Variants in STX7 observed in about 807,000 individuals in gnomAD.
STX7 encodes syntaxin-7.
In STX7, 34 loss-of-function variants were observed where a neutral mutation model predicts 39.6. The ratio of observed to expected loss-of-function variants is 0.86; its 90% CI spans 0.65 to 1.14. The LOEUF is 1.14. STX7 is among the 50% of genes most tolerant of loss of function. The probability of loss-of-function intolerance (pLI) is 0.00; values close to 1 mark genes in which losing one functional copy is unlikely to be tolerated. For synonymous variants in STX7, 119 were observed against 99.1 expected, an observed-to-expected ratio of 1.20 and a Z score of -1.19; for missense variants, 284 against 310.4, an observed-to-expected ratio of 0.92 and a Z score of 0.64.
At chr6:132,496,975 A>C (rs1209655491) in intron 2 of STX7, among the ~76,000 whole-genome samples, 2 of 152,212 alleles carry the variant, frequency 1.3e-5, no homozygotes, top group African/African-American at 4.8e-5. Flanking sequence ...TGAGCAGCAC[A>C]AACTCTGATA....
At position 132,458,831 on chromosome 6, in the gene STX7, C is replaced by T. The variant is rs532123507; in HGVS notation, c.*1927G>A. 6.6e-6 allele frequency: 1 copy of T among 152,198 alleles called. No homozygotes were observed. The highest frequency in any genetic ancestry group is 1.9e-4 in the East Asian group (1 of 5,186). 9.4% of individuals were successfully genotyped at this position (152,198 alleles called of 1,614,324 possible). On this transcript the variant is annotated 3_prime_UTR_variant, in exon 10 of 10. Coordinates refer to ENST00000367941, the MANE Select transcript of STX7 (RefSeq NM_003569.3). ...CTGTTTAAACCACTGATAACTGCCCCAGTTAAAATAATAATAATTTAAAAT... is the reference window on the plus strand; with the variant it reads ...CTGTTTAAACCACTGATAACTGCCCTAGTTAAAATAATAATAATTTAAAAT...
In STX7 at chr6:132,493,302, A is replaced by C. The variant is rs141408618; in HGVS notation, c.85+10144T>G. Among the ~76,000 whole-genome samples the C allele has an allele frequency of 4.6e-3, 700 of 152,280 alleles. 2 individuals carry two copies. Among genetic ancestry groups the C allele is most frequent in the Non-Finnish European group, 7.2e-3 (492 of 68,012 alleles). On this transcript the variant is annotated intron_variant, in intron 2 of 9. Coordinates refer to ENST00000367941, the MANE Select transcript of STX7 (RefSeq NM_003569.3). ...AATTAACAATTGCTTTAAGAAAAAA[A>C]GTTTGGATTAAGTATAAAGGGCAAT...
At chr6:132,472,783 C>G (rs796369848) in intron 3 of STX7, among the ~76,000 whole-genome samples, 1 of 152,070 alleles carries the variant, frequency 6.6e-6, no homozygotes, top group South Asian at 2.1e-4. Flanking sequence ...TAGACTTTGC[C>G]CAGTTCCCAG....
chr6:132,494,632 C>A (rs1380970711), intron 2 of STX7, among the ~76,000 whole-genome samples: 1 of 152,084 alleles, frequency 6.6e-6, no homozygotes, highest in Admixed American at 6.6e-5. Flanking sequence ...TGACTGTTCA[C>A]TAAGCAGAAA....
At position 132,454,247 on chromosome 6, in the gene STX7, T is replaced by TGGAGAACAGATTATGGTTGCCAAG. The variant is rs1774199834; in HGVS notation, c.*6487_*6510dup. On this transcript the variant is annotated 3_prime_UTR_variant, in exon 10 of 10. Coordinates refer to ENST00000367941, the MANE Select transcript of STX7 (RefSeq NM_003569.3). ...ATGAAAAAAAAAAAAACTATAAAAATGGAGAACAGATTATGGTTGCCAAGG... is the reference window on the plus strand; with the variant it reads ...ATGAAAAAAAAAAAAACTATAAAAATGGAGAACAGATTATGGTTGCCAAGGGAGAACAGATTATGGTTGCCAAGG... 2 of 148,626 alleles carry TGGAGAACAGATTATGGTTGCCAAG rather than the reference T, an allele frequency of 1.3e-5. No individual in the cohort carries two copies. Among genetic ancestry groups the TGGAGAACAGATTATGGTTGCCAAG allele is most frequent in the Non-Finnish European group, 3.0e-5 (2 of 67,282 alleles). 9.2% of individuals were successfully genotyped at this position (148,626 alleles called of 1,614,324 possible). A position where few individuals can be genotyped will look rare whatever the true frequency, so the allele number is the denominator to read the frequency against.
At chr6:132,488,967 C>A (rs192244078) in intron 2 of STX7, among the ~76,000 whole-genome samples, 1 of 151,976 alleles carries the variant, frequency 6.6e-6, no homozygotes, top group Non-Finnish European at 1.5e-5. Flanking sequence ...TTTGGGAGGC[C>A]AAGGTAAGCA....
rs1292623816 is a variant in STX7 at position 132,446,396 on chromosome 6, T to C, written c.*14362A>G. ...TTGAAAGAAACCTTTTATACAATGT[T>C]TTCATTGTCTTGTTCTTTTTCTGGA... On this transcript the variant is annotated 3_prime_UTR_variant, in exon 10 of 10. Transcript: ENST00000367941. 1 of 152,212 alleles carries C rather than the reference T, an allele frequency of 6.6e-6. No individual in the cohort carries two copies. Among genetic ancestry groups the C allele is most frequent in the Non-Finnish European group, 1.5e-5 (1 of 68,020 alleles). The allele number at this position is 152,212 out of a possible 1,614,324, so 9.4% of individuals were successfully genotyped here. A position where few individuals can be genotyped will look rare whatever the true frequency, so the allele number is the denominator to read the frequency against.
chr6:132,478,276 C>T (rs982104405), intron 2 of STX7, among the ~76,000 whole-genome samples: 1 of 152,068 alleles, frequency 6.6e-6, no homozygotes, highest in African/African-American at 2.4e-5. Flanking sequence ...AAATGCATAT[C>T]AATTTTGCAA....
At chr6:132,496,618 A>G (rs747319210) in intron 2 of STX7, among the ~76,000 whole-genome samples, 1 of 152,182 alleles carries the variant, frequency 6.6e-6, no homozygotes, top group Non-Finnish European at 1.5e-5. Flanking sequence ...TGTACCTGTT[A>G]GAAGAGTTTC....
At chr6:132,482,709 G>A (rs1371685946) in intron 2 of STX7, among the ~76,000 whole-genome samples, 1 of 152,194 alleles carries the variant, frequency 6.6e-6, no homozygotes, top group Non-Finnish European at 1.5e-5. Flanking sequence ...GATGTTAGAT[G>A]TTTCCAGCAG....
rs1364851277 is a variant in STX7 at position 132,458,364 on chromosome 6, C to T, written c.*2394G>A. On this transcript the variant is annotated 3_prime_UTR_variant, in exon 10 of 10. Coordinates refer to ENST00000367941, the MANE Select transcript of STX7 (RefSeq NM_003569.3). ...AGCTACTCTAGTATCAATATGACAT[C>T]ACTCTTTTACCATCAATCATATTGC... The T allele has an allele frequency of 6.6e-6, 1 of 152,216 alleles. No individual in the cohort carries two copies. Among genetic ancestry groups the T allele is most frequent in the African/African-American group, 2.4e-5 (1 of 41,446 alleles). The allele number at this position is 152,216 out of a possible 1,614,324, so 9.4% of individuals were successfully genotyped here.
chr6:132,447,209 T>C lies in STX7; in HGVS notation c.*13549A>G, dbSNP rs1774031565. ...GAACTTACTGTGTAGTGGAAAGAGT[T>C]AGACTCACTAGACATTGATTAGCTG... is the stretch of plus-strand genomic sequence containing the variant. On this transcript the variant is annotated 3_prime_UTR_variant, in exon 10 of 10. Transcript: ENST00000367941. 1 of 152,190 alleles carries C rather than the reference T, an allele frequency of 6.6e-6. No homozygotes were observed. The highest frequency in any genetic ancestry group is 1.5e-5 in the Non-Finnish European group (1 of 68,034). The allele number at this position is 152,190 out of a possible 1,614,324, so 9.4% of individuals were successfully genotyped here.
chr6:132,475,968 T>C (rs1774864243), intron 2 of STX7, among the ~76,000 whole-genome samples: 1 of 152,152 alleles, frequency 6.6e-6, no homozygotes, highest in Non-Finnish European at 1.5e-5. Flanking sequence ...GCACACAGAC[T>C]TTAACACTAC....
intron 2 of STX7, among the ~76,000 whole-genome samples, chr6:132,489,200 T>TAAAAAAAAAA (rs745673648): frequency 7.2e-5 from 6 of 83,192 alleles, no homozygotes; most frequent in African/African-American, 3.5e-4. Context: ...GACTCTGTCT[T>TAAAAAAAAAA]AAAAAAAAAA....
intron 2 of STX7, among the ~76,000 whole-genome samples, chr6:132,484,266 G>A (rs1032476375): frequency 2.6e-5 from 4 of 152,114 alleles, no homozygotes; most frequent in Non-Finnish European, 1.5e-5. Flanking sequence ...GCACTACTGG[G>A]TCATCAAAAA....
Position 132,448,344 on chromosome 6 carries a change from T to C in STX7, c.*12414A>G, listed in dbSNP as rs1294888750. On this transcript the variant is annotated 3_prime_UTR_variant, in exon 10 of 10. Coordinates refer to ENST00000367941, the MANE Select transcript of STX7 (RefSeq NM_003569.3). ...TCTCAGACTTTCCTCCTAGTCATTT[T>C]GCTGTACTCTAAAATTCATCTTTAT... 3 of 152,238 alleles carry C rather than the reference T, an allele frequency of 2.0e-5. No homozygotes were observed. The South Asian group carries it at 6.2e-4, about 32-fold the overall frequency. The allele number at this position is 152,238 out of a possible 1,614,324, so 9.4% of individuals were successfully genotyped here.
At chr6:132,511,893 T>A (rs1017646954) in intron 1 of STX7, among the ~76,000 whole-genome samples, 14 of 152,206 alleles carry the variant, frequency 9.2e-5, no homozygotes, top group African/African-American at 1.7e-4. Flanking sequence ...GATTTTGTTA[T>A]CAAGAGCAAC....
At chr6:132,497,478 A>AT (rs1175140233) in intron 2 of STX7, among the ~76,000 whole-genome samples, 1 of 152,226 alleles carries the variant, frequency 6.6e-6, no homozygotes, top group Non-Finnish European at 1.5e-5. Context: ...ATTTGTGGTA[A>AT]TACAATAGAA....
intron 9 of STX7, among the ~76,000 whole-genome samples, chr6:132,462,622 T>TGTGTGTGTGTGTGTGTG (rs1562320499): frequency 2.1e-5 from 3 of 145,248 alleles, no homozygotes; most frequent in African/African-American, 7.6e-5. Flanking sequence ...TGTGTGTGTG[T>TGTGTGTGTGTGTGTGTG]TTTCAATTAT....
Sources: gnomAD v4.1 joint callset for allele counts (sites outside exome capture counted in the v4.1 genomes callset) on GRCh38, gnomAD v4.1.1 for gene constraint, MANE v1.5 for transcripts, NCBI Gene and HGNC (gene_info 2026-07-23, HGNC 2026-07-21) for gene names.